The following TAFA2 variants were observed in gnomAD, a reference collection of about 807,000 sequenced individuals.
TAFA2 encodes the protein chemokine-like protein TAFA-2.
In TAFA2, 7 loss-of-function variants were observed where a neutral mutation model predicts 18.8. The ratio of observed to expected loss-of-function variants is 0.37; its 90% CI spans 0.21 to 0.70. The LOEUF (loss-of-function observed/expected upper bound fraction) is 0.70. Ranked by LOEUF, TAFA2 falls within the 30% of genes least tolerant of loss-of-function variation. TAFA2 has a pLI of 0.53. For synonymous variants in TAFA2, 60 were observed against 54.2 expected, an observed-to-expected ratio of 1.11 and a Z score of -0.47; for missense variants, 122 against 158.1, an observed-to-expected ratio of 0.77 and a Z score of 1.23.
chr12:62,235,162 G>C (rs1592413196), intron 1 of TAFA2: 1 of 667,182 alleles, frequency 1.5e-6, no homozygotes, highest in East Asian at 3.1e-5. Context: ...TGCTGAGGGG[G>C]AGACACTCCC....
chr12:62,134,743 T>C (rs1348396963), intron 1 of TAFA2, among the ~76,000 whole-genome samples: 2 of 152,008 alleles, frequency 1.3e-5, no homozygotes, highest in East Asian at 3.9e-4. Flanking sequence ...TAGCATATAA[T>C]TGTCAATACC....
chr12:61,883,233 T>C (rs190092859), intron 1 of TAFA2, among the ~76,000 whole-genome samples: 141 of 152,322 alleles, frequency 9.3e-4, no homozygotes, highest in Non-Finnish European at 1.9e-4. Context: ...TGTATTGTTT[T>C]TCATTAATTT....
intron 2 of TAFA2, among the ~76,000 whole-genome samples, chr12:61,835,177 A>C (rs1329774552): frequency 6.6e-6 from 1 of 152,072 alleles, no homozygotes; most frequent in Admixed American, 6.6e-5. Context: ...GAAAATAAAA[A>C]TCATACACAA....
At chr12:61,714,901 A>G (rs1224892452) in intron 4 of TAFA2, among the ~76,000 whole-genome samples, 1 of 152,228 alleles carries the variant, frequency 6.6e-6, no homozygotes, top group Non-Finnish European at 1.5e-5. Flanking sequence ...ATAACGACAA[A>G]TAGCTCAGGC....
chr12:61,921,571 T>C (rs1021826140), intron 1 of TAFA2, among the ~76,000 whole-genome samples: 3 of 152,174 alleles, frequency 2.0e-5, no homozygotes, highest in Non-Finnish European at 4.4e-5. Context: ...TGGGGTATGA[T>C]TTGGTATGGG....
intron 1 of TAFA2, among the ~76,000 whole-genome samples, chr12:61,902,636 C>T (rs190354862): frequency 6.6e-6 from 1 of 152,256 alleles, no homozygotes; most frequent in East Asian, 1.9e-4. Context: ...CTGTTAGAGC[C>T]TTCTCTGTTT....
intron 2 of TAFA2, among the ~76,000 whole-genome samples, chr12:61,821,138 C>CACAA (rs1872305747): frequency 6.6e-6 from 1 of 150,970 alleles, no homozygotes; most frequent in Non-Finnish European, 1.5e-5. Flanking sequence ...TACACACACA[C>CACAA]ACACACACAC....
At chr12:62,129,762 C>T (rs1414632410) in intron 1 of TAFA2, among the ~76,000 whole-genome samples, 5 of 151,964 alleles carry the variant, frequency 3.3e-5, no homozygotes, top group Admixed American at 1.3e-4. Context: ...ACTTCACCCA[C>T]GAAATGCTTC....
At chr12:61,866,315 G>C (rs1239642809) in intron 2 of TAFA2, among the ~76,000 whole-genome samples, 7 of 151,958 alleles carry the variant, frequency 4.6e-5, no homozygotes, top group Non-Finnish European at 1.0e-4. Context: ...TTCTCTCCCT[G>C]GTGTTAATGT....
chr12:62,066,359 C>T (rs527918143), intron 1 of TAFA2, among the ~76,000 whole-genome samples: 8 of 151,704 alleles, frequency 5.3e-5, no homozygotes, highest in African/African-American at 1.9e-4. Flanking sequence ...TACCATCCAC[C>T]CAGTTGTGCT....
intron 1 of TAFA2, among the ~76,000 whole-genome samples, chr12:62,114,309 C>T (rs1037960569): frequency 6.6e-6 from 1 of 152,146 alleles, no homozygotes; most frequent in South Asian, 2.1e-4. Flanking sequence ...GCTCGTCCTC[C>T]GTGGGCTGCA....
chr12:61,973,286 G>A (rs1272422557), intron 1 of TAFA2, among the ~76,000 whole-genome samples: 1 of 151,402 alleles, frequency 6.6e-6, no homozygotes, highest in Non-Finnish European at 1.5e-5. Context: ...GAACAGTCCT[G>A]CTGAAAAAAT....
intron 1 of TAFA2, among the ~76,000 whole-genome samples, chr12:62,068,187 C>T (rs1882540999): frequency 6.6e-6 from 1 of 152,034 alleles, no homozygotes; most frequent in Non-Finnish European, 1.5e-5. Flanking sequence ...GAACAGATCT[C>T]TATTTTTTAA....
intron 2 of TAFA2, among the ~76,000 whole-genome samples, chr12:61,774,967 C>T (rs1470308124): frequency 6.6e-6 from 1 of 151,662 alleles, no homozygotes; most frequent in East Asian, 1.9e-4. Context: ...ACTCTTAAAA[C>T]TCAACAATAA....
At chr12:61,828,102 C>A (rs1169308638) in intron 2 of TAFA2, among the ~76,000 whole-genome samples, 1 of 151,942 alleles carries the variant, frequency 6.6e-6, no homozygotes, top group Non-Finnish European at 1.5e-5. Flanking sequence ...GTTCAATGAT[C>A]TCATTTTAAA....
chr12:61,900,872 A>G (rs1876068115), intron 1 of TAFA2, among the ~76,000 whole-genome samples: 1 of 152,130 alleles, frequency 6.6e-6, no homozygotes, highest in Admixed American at 6.5e-5. Context: ...TTAACCTATG[A>G]CTTTCATTGG....
chr12:61,740,933 G>A (rs1868416106), intron 4 of TAFA2, among the ~76,000 whole-genome samples: 1 of 151,228 alleles, frequency 6.6e-6, no homozygotes, highest in Admixed American at 6.6e-5. Context: ...TGTTAAACAA[G>A]TTCAATATTA....
At chr12:62,095,312 G>T (rs929183493) in intron 1 of TAFA2, among the ~76,000 whole-genome samples, 9 of 152,000 alleles carry the variant, frequency 5.9e-5, no homozygotes, top group Non-Finnish European at 1.2e-4. Flanking sequence ...ATGTCTTAAG[G>T]GATAGACAGT....
intron 1 of TAFA2, among the ~76,000 whole-genome samples, chr12:62,031,633 T>C (rs1421504704): frequency 2.0e-5 from 3 of 152,184 alleles, no homozygotes; most frequent in East Asian, 1.9e-4. Context: ...GCAGACAAAG[T>C]CAAAGAAAAG....
Sources: allele counts gnomAD v4.1 joint callset (sites outside exome capture counted in the v4.1 genomes callset), GRCh38; gene constraint gnomAD v4.1.1; transcripts MANE v1.5; gene names NCBI Gene and HGNC (gene_info 2026-07-23, HGNC 2026-07-21).